Variants in PPIE observed in about 807,000 individuals in gnomAD.
The protein encoded by PPIE is peptidyl-prolyl cis-trans isomerase E.
PPIE carries 20 observed loss-of-function variants against 38.4 expected under a neutral mutation model. The observed-to-expected ratio is 0.52, with a 90% CI of 0.37 to 0.76. The LOEUF (loss-of-function observed/expected upper bound fraction) is 0.76, where lower values mean the gene tolerates loss of function less well. PPIE is among the 30% of genes least tolerant of loss of function. PPIE has a pLI of 0.00. For missense variants in PPIE, 322 were observed against 385.8 expected (o/e 0.83, Z 1.39); for synonymous variants, 142 against 135.7 (o/e 1.05, Z -0.32).
At chr1:39,763,252 C>T in intron 9 of PPIE, 1 of 1,520,554 alleles carries the variant, frequency 6.6e-7, no homozygotes, top group Non-Finnish European at 9.0e-7. Flanking sequence ...CCTCCCTGAG[C>T]CTCAGGGCCC....
At chr1:39,743,693 C>A in intron 5 of PPIE, 131 bp from the exon 6 acceptor site, 1 of 696,744 alleles carries the variant, frequency 1.4e-6, no homozygotes, top group East Asian at 2.6e-5. Flanking sequence ...TTCCTTACCC[C>A]TGGGAGTTCT....
intron 4 of PPIE, 175 bp from the exon 5 acceptor site, chr1:39,743,041 G>A (rs1647101301): frequency 2.4e-5 from 14 of 573,810 alleles, no homozygotes; most frequent in Non-Finnish European, 3.7e-5. Flanking sequence ...GAAAGAAAGG[G>A]GTGTGAGTTC....
chr1:39,753,466 T>C lies in PPIE; in HGVS notation c.*111T>C. The C allele has an allele frequency of 6.6e-7, 1 of 1,520,430 alleles. No individual in the cohort carries two copies. The allele number at this position is 1,520,430 out of a possible 1,614,324, so 94.2% of individuals were successfully genotyped here. A position where few individuals can be genotyped will look rare whatever the true frequency, so the allele number is the denominator to read the frequency against. On this transcript the variant is annotated 3_prime_UTR_variant, in exon 10 of 10. Coordinates refer to ENST00000324379, the MANE Select transcript of PPIE (RefSeq NM_006112.4). ...GGTGCCTGTTTGAAGCAAGCAGCATTTGGGATATGTGCCCTTCCTCAGGGT... is the reference window on the plus strand; with the variant it reads ...GGTGCCTGTTTGAAGCAAGCAGCATCTGGGATATGTGCCCTTCCTCAGGGT...
chr1:39,754,944 A>G lies in PPIE; in HGVS notation c.*1589A>G. On this transcript the variant is annotated 3_prime_UTR_variant, in exon 10 of 10. Coordinates refer to ENST00000324379, the MANE Select transcript of PPIE (RefSeq NM_006112.4). ...CCATGGCCTAGCCAAATTGACACAC[A>G]AAATAGACCATCACAGTCCCAAGGC... 4.3e-6 allele frequency: 4 copies of G among 933,720 alleles called. No homozygotes were observed. Among genetic ancestry groups the G allele is most frequent in the South Asian group, 4.9e-5 (1 of 20,248 alleles). 57.8% of individuals were successfully genotyped at this position (933,720 alleles called of 1,614,324 possible).
At chr1:39,760,620 A>G (rs945131427), downstream of PPIE, 1 of 1,583,614 alleles carries the variant, frequency 6.3e-7, no homozygotes, top group Non-Finnish European at 8.6e-7. Context: ...GCCTCCTCCA[A>G]GGACCCACCC....
At chr1:39,748,878 G>A (rs1647394764) in intron 7 of PPIE, 25 bp from the exon 8 acceptor site, 1 of 1,602,344 alleles carries the variant, frequency 6.2e-7, no homozygotes, top group African/African-American at 1.3e-5. Context: ...TTTAACCCCA[G>A]CGCTTTTTCC....
chr1:39,760,294 G>C, downstream of PPIE: 2 of 1,433,998 alleles, frequency 1.4e-6, no homozygotes, highest in Non-Finnish European at 1.9e-6. Flanking sequence ...GGTCATGTAC[G>C]TGGTTGTGAG....
Position 39,743,856 on chromosome 1 carries a change from T to G in PPIE, c.316T>G (p.Ser106Ala), listed in dbSNP as rs1352892036. The G allele has an allele frequency of 1.2e-6, 2 of 1,613,862 alleles. No individual in the cohort carries two copies. Among genetic ancestry groups the G allele is most frequent in the Admixed American group, 1.7e-5 (1 of 60,006 alleles). Reference protein sequence around the residue: ...WSDDDWLKKFSGKTLEENKEE... With the variant: ...WSDDDWLKKFAGKTLEENKEE... ...AGATGATGACTGGTTGAAGAAGTTT[T>G]CTGGGAAGACGCTTGAAGAGAATAA... The change falls in exon 6 of 10, where the codon TCT (serine) becomes GCT (alanine). Residue 106 changes from serine (S) to alanine (A), a missense_variant. Ser to Ala is a moderately conservative substitution (Grantham distance 99, BLOSUM62 1). Coordinates refer to ENST00000324379, the MANE Select transcript of PPIE (RefSeq NM_006112.4).
chr1:39,746,319 G>A (rs530730192), intron 7 of PPIE: 5 of 152,222 alleles, frequency 3.3e-5, no homozygotes, highest in African/African-American at 7.2e-5. Context: ...CCTTGTTTTT[G>A]CATAGTTTTC....
chr1:39,758,227 G>A (rs1412931936), downstream of PPIE: 1 of 152,296 alleles, frequency 6.6e-6, no homozygotes, highest in Middle Eastern at 3.4e-3. Context: ...TGGCAAACAG[G>A]TTCCATAATT....
At chr1:39,743,149 A>G (rs944152028) in intron 4 of PPIE, 67 bp from the exon 5 acceptor site, 1 of 1,374,332 alleles carries the variant, frequency 7.3e-7, no homozygotes. Context: ...TCAGAAGTAT[A>G]TGGAAAGCTG....
intron 6 of PPIE, among the ~76,000 whole-genome samples, chr1:39,744,797 G>A (rs559867411): frequency 9.9e-4 from 151 of 152,260 alleles, no homozygotes; most frequent in African/African-American, 3.2e-3. Flanking sequence ...ACAGTCAGTG[G>A]AGTCCCCCTG....
chr1:39,752,604 G>C (rs987116074), intron 8 of PPIE, among the ~76,000 whole-genome samples: 3 of 152,184 alleles, frequency 2.0e-5, no homozygotes, highest in Admixed American at 2.0e-4. Context: ...CTCCACCAGA[G>C]CTTGGACTAT....
At position 39,743,867 on chromosome 1, in the gene PPIE, G is replaced by T; in HGVS notation, c.327G>T (p.Thr109=). The part of the protein sequence containing the change: ...DDWLKKFSGK[T]LEENKEEEGS... Reference sequence around the variant, plus strand: ...GGTTGAAGAAGTTTTCTGGGAAGACGCTTGAAGAGAATAAAGAGGAAGAAG... The same window carrying T: ...GGTTGAAGAAGTTTTCTGGGAAGACTCTTGAAGAGAATAAAGAGGAAGAAG... Residue 109 remains threonine (T), a synonymous_variant, in exon 6 of 10, where the codon ACG becomes ACT. Coordinates refer to ENST00000324379, the MANE Select transcript of PPIE (RefSeq NM_006112.4). 6.2e-7 allele frequency: 1 copy of T among 1,613,914 alleles called. No homozygotes were observed. The highest frequency in any genetic ancestry group is 8.5e-7 in the Non-Finnish European group (1 of 1,179,916).
chr1:39,756,371 T>C lies in PPIE; in HGVS notation c.*3016T>C. 1 of 985,338 alleles carries C rather than the reference T, an allele frequency of 1.0e-6. No homozygotes were observed. Among genetic ancestry groups the C allele is most frequent in the South Asian group, 4.7e-5 (1 of 21,284 alleles). The allele number at this position is 985,338 out of a possible 1,614,324, so 61.0% of individuals were successfully genotyped here. ...TTTGCTGATTCATTTCCCCCCTAAC[T>C]CATTCAGAGTTGAGCCCCATCTGAG... On this transcript the variant is annotated 3_prime_UTR_variant, in exon 10 of 10. Transcript: ENST00000324379.
chr1:39,745,686 G>A, intron 7 of PPIE, 188 bp downstream of exon 7: 1 of 787,992 alleles, frequency 1.3e-6, no homozygotes, highest in Non-Finnish European at 1.9e-6. Context: ...CTTTATAAGT[G>A]CTGGCTTACT....
At position 39,738,889 on chromosome 1, in the gene PPIE, C is replaced by T. The variant is rs756422195; in HGVS notation, c.-12C>T. 4 of 1,512,556 alleles carry T rather than the reference C, an allele frequency of 2.6e-6. No individual in the cohort carries two copies. In the Admixed American group the frequency reaches 6.9e-5, roughly 26 times the overall value. 93.7% of individuals were successfully genotyped at this position (1,512,556 alleles called of 1,614,324 possible). On this transcript the variant is annotated 5_prime_UTR_variant, in exon 1 of 10. Transcript: ENST00000324379. ...CGAGTGCTGGCTTCCGGCGGAAAAG[C>T]GCGCGAGCAAGATGGCCACCACCAA...
intron 2 of PPIE, 114 bp from the exon 3 acceptor site, chr1:39,741,252 G>A: frequency 1.2e-6 from 1 of 839,772 alleles, no homozygotes; most frequent in Non-Finnish European, 2.0e-6. Context: ...ATAGTGATTG[G>A]ATAGAACTTC....
downstream of PPIE, chr1:39,761,163 C>G (rs1489275689): frequency 6.5e-6 from 1 of 153,880 alleles, no homozygotes; most frequent in African/African-American, 2.4e-5. Context: ...ACTTGTGGAT[C>G]CTGCTCCCCT....
Sources: gnomAD v4.1 joint callset for allele counts (sites outside exome capture counted in the v4.1 genomes callset) on GRCh38, gnomAD v4.1.1 for gene constraint, MANE v1.5 for transcripts, NCBI Gene and HGNC (gene_info 2026-07-23, HGNC 2026-07-21) for gene names.